Variants in PUM1 observed in about 807,000 individuals in gnomAD.
The protein encoded by PUM1 is pumilio homolog 1.
Under a neutral mutation model 131.8 loss-of-function variants are expected in PUM1, and 13 were observed. The observed-to-expected ratio is 0.10, with a 90% CI of 0.06 to 0.16. The LOEUF (loss-of-function observed/expected upper bound fraction) is 0.16. PUM1 is among the 10% of genes least tolerant of loss of function. The pLI, the probability that PUM1 is intolerant of heterozygous loss-of-function variation, is 1.00. For missense variants in PUM1, 961 were observed against 1,512.4 expected (o/e 0.64, Z 6.05); for synonymous variants, 509 against 556.5 (o/e 0.91, Z 1.20).
chr1:30,976,089 C>CAAAA lies in PUM1; in HGVS notation c.1355-1291_1355-1288dup, dbSNP rs11398686. ...GGCAACAGAGCAAAGAGTGTGTCTC[C>CAAAA]AAAAAAAAAAAAAAAAATTAAGCAT... On this transcript the variant is annotated intron_variant, in intron 9 of 21. Coordinates refer to ENST00000426105, the MANE Select transcript of PUM1 (RefSeq NM_001020658.2). Among the ~76,000 whole-genome samples the CAAAA allele has an allele frequency of 2.3e-4, 30 of 131,256 alleles. 1 individual carries two copies. The highest frequency in any genetic ancestry group is 7.4e-4 in the South Asian group (3 of 4,068). 86.1% of individuals were successfully genotyped at this position (131,256 alleles called of 152,430 possible).
chr1:30,956,783 G>A (rs1345551564), intron 14 of PUM1, among the ~76,000 whole-genome samples: 1 of 152,136 alleles, frequency 6.6e-6, no homozygotes, highest in Non-Finnish European at 1.5e-5. Context: ...AAAATGGAAG[G>A]TAAATTATAA....
rs767142966 is a variant in PUM1 at position 30,995,064 on chromosome 1, T to G, written c.877A>C (p.Lys293Gln). 1 of 1,613,270 alleles carries G rather than the reference T, an allele frequency of 6.2e-7. No homozygotes were observed. The part of the protein sequence containing the change: ...PVQNGIDADV[K>Q]DFSRTPGNCQ... ...GTAAAACATACAAACCTAAAATCTT[T>G]GACGTCTGCATCAATCCCATTCTGC... Residue 293 changes from lysine (K) to glutamine (Q), a missense_variant, in exon 6 of 22, where the codon AAA becomes CAA. Physicochemically the swap from Lys to Gln is moderately conservative, Grantham distance 53. This residue lies in a region of PUM1 where 654 missense variants were observed against 923.9 expected (regional missense o/e 0.71). Transcript: ENST00000426105.
chr1:31,065,557 C>T (rs1320658632), intron 1 of PUM1, 59 bp downstream of exon 1: 2 of 1,526,702 alleles, frequency 1.3e-6, no homozygotes, highest in Non-Finnish European at 1.8e-6. Context: ...TATGAAGGGA[C>T]AATCTGCTCG....
At position 30,994,214 on chromosome 1, in the gene PUM1, A is replaced by G. The variant is rs144032240; in HGVS notation, c.887+840T>C. Reference sequence around the variant, plus strand: ...TGGTCCAAAATACATTTTCATTTTGACTTTGGCAGACATTAGAATAAGCAG... The same window carrying G: ...TGGTCCAAAATACATTTTCATTTTGGCTTTGGCAGACATTAGAATAAGCAG... On this transcript the variant is annotated intron_variant, in intron 6 of 21. Coordinates refer to ENST00000426105, the MANE Select transcript of PUM1 (RefSeq NM_001020658.2). Among the ~76,000 whole-genome samples the G allele has an allele frequency of 5.2e-3, 795 of 152,336 alleles. 6 individuals are homozygous for G. Among genetic ancestry groups the G allele is most frequent in the African/African-American group, 0.018 (735 of 41,580 alleles).
At chr1:30,939,925 T>C (rs1639374080) in intron 20 of PUM1, among the ~76,000 whole-genome samples, 1 of 152,194 alleles carries the variant, frequency 6.6e-6, no homozygotes, top group Admixed American at 6.5e-5. Context: ...GCTTAGGCTA[T>C]ATCCAAGGGT....
chr1:30,954,448 G>A (rs1640067927), intron 14 of PUM1, among the ~76,000 whole-genome samples: 1 of 152,104 alleles, frequency 6.6e-6, no homozygotes, highest in Admixed American at 6.5e-5. Context: ...CATCCAGATT[G>A]GTCTGTTTTA....
rs6697582 is a variant in PUM1 at position 30,932,665 on chromosome 1, A to T, written c.*546T>A. On this transcript the variant is annotated 3_prime_UTR_variant, in exon 22 of 22. Transcript: ENST00000426105. ...TATATATATATATATATATATATAT[A>T]TTTTTTATAAACAGTGTTAAATGCC... 0.13 allele frequency: 8,969 copies of T among 70,518 alleles called. 321 individuals are homozygous for T. Among genetic ancestry groups the T allele is most frequent in the East Asian group, 0.2 (381 of 1,880 alleles). The allele number at this position is 70,518 out of a possible 1,614,324, so 4.4% of individuals were successfully genotyped here. A position where few individuals can be genotyped will look rare whatever the true frequency, so the allele number is the denominator to read the frequency against.
chr1:31,038,984 A>ATATATATATATATTTTTTTTTTTT, intron 2 of PUM1, among the ~76,000 whole-genome samples: 2 of 49,412 alleles, frequency 4.0e-5, no homozygotes, highest in African/African-American at 2.1e-4. Flanking sequence ...ATATATATAT[A>ATATATATATATATTTTTTTTTTTT]TTTTTTTTTT....
At chr1:30,934,187 G>C (rs1639100476) in intron 21 of PUM1, among the ~76,000 whole-genome samples, 1 of 152,206 alleles carries the variant, frequency 6.6e-6, no homozygotes, top group African/African-American at 2.4e-5. Flanking sequence ...CTTGAGAGGT[G>C]CTTCTTCTCT....
At chr1:31,065,544 C>A in intron 1 of PUM1, 72 bp downstream of exon 1, 4 of 1,511,078 alleles carry the variant, frequency 2.6e-6, no homozygotes, top group Non-Finnish European at 3.5e-6. Context: ...TCTCAAACAC[C>A]AATATGAAGG....
At chr1:31,009,888 C>G (rs990353627) in intron 3 of PUM1, among the ~76,000 whole-genome samples, 7 of 151,534 alleles carry the variant, frequency 4.6e-5, no homozygotes, top group African/African-American at 1.5e-4. Flanking sequence ...AAATTGCTTA[C>G]AGAAAGCAGC....
At chr1:31,035,571 G>C (rs1035822473) in intron 2 of PUM1, among the ~76,000 whole-genome samples, 1 of 151,876 alleles carries the variant, frequency 6.6e-6, no homozygotes, top group Admixed American at 6.6e-5. Flanking sequence ...GACCAACATG[G>C]AGAAACACCG....
At chr1:30,941,037 T>C in intron 20 of PUM1, 114 bp downstream of exon 20, 2 of 1,270,538 alleles carry the variant, frequency 1.6e-6, no homozygotes, top group Non-Finnish European at 2.1e-6. Context: ...TTTTAAGCTA[T>C]ATATACTTTG....
chr1:31,057,108 T>C (rs1295950890), intron 2 of PUM1, among the ~76,000 whole-genome samples: 1 of 152,082 alleles, frequency 6.6e-6, no homozygotes, highest in Non-Finnish European at 1.5e-5. Context: ...TTGTTTCGAC[T>C]ATAGTAAAGA....
intron 7 of PUM1, among the ~76,000 whole-genome samples, chr1:30,990,573 T>C (rs941685343): frequency 2.0e-5 from 3 of 151,708 alleles, no homozygotes; most frequent in Admixed American, 2.0e-4. Flanking sequence ...TCTTGACAAC[T>C]ACTAGCTCTT....
intron 3 of PUM1, among the ~76,000 whole-genome samples, chr1:31,026,321 C>G (rs550036287): frequency 7.9e-5 from 12 of 151,588 alleles, no homozygotes; most frequent in African/African-American, 2.4e-4. Context: ...GCTGTTCTCC[C>G]GTTGCTGCAA....
chr1:30,992,016 G>A (rs2124485323), intron 7 of PUM1, among the ~76,000 whole-genome samples: 1 of 152,342 alleles, frequency 6.6e-6, no homozygotes, highest in South Asian at 2.1e-4. Flanking sequence ...GCGGTGGATA[G>A]TAGAGTTTAC....
At chr1:31,054,092 T>TAA (rs1290627996) in intron 2 of PUM1, among the ~76,000 whole-genome samples, 2 of 33,858 alleles carry the variant, frequency 5.9e-5, no homozygotes, top group Non-Finnish European at 1.1e-4. Context: ...AGACTTTATT[T>TAA]CAAAAAAAAA....
intron 20 of PUM1, among the ~76,000 whole-genome samples, chr1:30,940,589 T>A (rs1408215080): frequency 6.6e-6 from 1 of 152,230 alleles, no homozygotes; most frequent in Non-Finnish European, 1.5e-5. Context: ...GTATGTTATG[T>A]GGGCAGTAGG....
Sources: gnomAD v4.1 joint callset for allele counts (sites outside exome capture counted in the v4.1 genomes callset) on GRCh38, gnomAD v4.1.1 for gene constraint, gnomAD v4.1.1 regional missense constraint, MANE v1.5 for transcripts, NCBI Gene and HGNC (gene_info 2026-07-23, HGNC 2026-07-21) for gene names.